The following PATJ variants were observed in gnomAD, a reference collection of about 807,000 sequenced individuals.
PATJ encodes PATJ crumbs cell polarity complex component, also known as inaD-like protein.
Under a neutral mutation model 224.9 loss-of-function variants are expected in PATJ, and 190 were observed. That is an observed-to-expected ratio of 0.84 (90% CI 0.75 to 0.95). The LOEUF is 0.95. Among genes scored for constraint, PATJ ranks in the 40% least tolerant of loss-of-function variants. The pLI is 0.00. For missense variants in PATJ, 2,121 were observed against 2,270.3 expected (o/e 0.93, Z 1.34); for synonymous variants, 769 against 820.3 (o/e 0.94, Z 1.07).
intron 28 of PATJ, among the ~76,000 whole-genome samples, chr1:62,013,826 T>G (rs1365524022): frequency 6.6e-6 from 1 of 152,126 alleles, no homozygotes; most frequent in Non-Finnish European, 1.5e-5. Flanking sequence ...CAGGCTGGAG[T>G]GCAGTGGTGC....
chr1:62,033,158 T>G (rs1419197689), intron 29 of PATJ, among the ~76,000 whole-genome samples: 1 of 152,222 alleles, frequency 6.6e-6, no homozygotes, highest in Admixed American at 6.5e-5. Flanking sequence ...GCTGCATTCT[T>G]CACTAATTGC....
intron 28 of PATJ, among the ~76,000 whole-genome samples, chr1:61,994,271 C>T (rs1414645123): frequency 6.6e-6 from 1 of 152,188 alleles, no homozygotes; most frequent in Non-Finnish European, 1.5e-5. Flanking sequence ...TACCTGCCCT[C>T]ACAGAGCTTC....
At chr1:61,813,366 TATATATATATATACACACACAC>T (rs1557690451) in intron 14 of PATJ, among the ~76,000 whole-genome samples, 3 of 55,872 alleles carry the variant, frequency 5.4e-5, no homozygotes, top group Non-Finnish European at 1.0e-4. Context: ...TATATATATA[TATATATATATATACACACACAC>T]ACACACACAC....
chr1:61,846,185 C>T (rs1332162511), intron 17 of PATJ: 1 of 152,014 alleles, frequency 6.6e-6, no homozygotes. Flanking sequence ...TACTATGAAG[C>T]GATTTCTATG....
At chr1:62,076,334 C>T (rs1354984374) in intron 31 of PATJ, among the ~76,000 whole-genome samples, 1 of 147,036 alleles carries the variant, frequency 6.8e-6, no homozygotes, top group Non-Finnish European at 1.5e-5. Flanking sequence ...TTTAAAAGCT[C>T]CGTAGGTGTT....
chr1:61,952,371 C>T, intron 27 of PATJ: 1 of 716,546 alleles, frequency 1.4e-6, no homozygotes, highest in South Asian at 1.5e-5. Flanking sequence ...AATGCAGATA[C>T]CCTGAAGGGA....
intron 12 of PATJ, among the ~76,000 whole-genome samples, chr1:61,803,264 A>G (rs1652906480): frequency 6.6e-6 from 1 of 152,210 alleles, no homozygotes; most frequent in Non-Finnish European, 1.5e-5. Flanking sequence ...TATGCTTGGC[A>G]TAACTGGGCA....
chr1:61,749,615 G>A (rs1449968141), intron 1 of PATJ, among the ~76,000 whole-genome samples: 2 of 151,952 alleles, frequency 1.3e-5, no homozygotes, highest in African/African-American at 4.8e-5. Flanking sequence ...ATGTTACTTA[G>A]TTGTTACAGT....
intron 27 of PATJ, among the ~76,000 whole-genome samples, chr1:61,962,999 T>C (rs1681529047): frequency 6.6e-6 from 1 of 152,242 alleles, no homozygotes; most frequent in Non-Finnish European, 1.5e-5. Flanking sequence ...GTCCAGAGTT[T>C]AGTTACACAA....
chr1:62,084,540 G>A lies in PATJ; in HGVS notation c.4269G>A (p.Val1423=). 6.2e-7 allele frequency: 1 copy of A among 1,611,962 alleles called. No homozygotes were observed. The highest frequency in any genetic ancestry group is 8.5e-7 in the Non-Finnish European group (1 of 1,179,426). ...GYGGFQAPLS[V]DPATCPIVPG... Reference sequence around the variant, plus strand: ...GTGGTTTCCAGGCTCCTCTGTCAGTGGACCCCGCAACGTGTCCCATTGTCC... The same window carrying A: ...GTGGTTTCCAGGCTCCTCTGTCAGTAGACCCCGCAACGTGTCCCATTGTCC... The change falls in exon 33 of 44, where the codon GTG becomes GTA. Residue 1423 remains valine (V), a synonymous_variant. Coordinates refer to ENST00000642238, the MANE Select transcript of PATJ (RefSeq NM_001350145.3).
chr1:62,027,857 GGGA>G (rs3061008), intron 29 of PATJ, among the ~76,000 whole-genome samples: 17,361 of 151,586 alleles, frequency 0.11, 1,249 homozygotes, highest in Middle Eastern at 0.23. Flanking sequence ...GTTGAGTTAT[GGGA>G]GTCTTTACAT....
chr1:61,901,378 A>C lies in PATJ; in HGVS notation c.3300A>C (p.Lys1100Asn). Residue 1100 changes from lysine to asparagine, a missense_variant, in exon 24 of 44, where the codon AAA becomes AAC. Coordinates refer to ENST00000642238, the MANE Select transcript of PATJ (RefSeq NM_001350145.3). ...IKRLKNGEEL[K>N]GIFIKQVLED... Reference sequence around the variant, plus strand: ...GTCTAAAGAATGGAGAGGAGCTTAAAGGTATATTCATCAAACAAGTTTTAG... The same window carrying C: ...GTCTAAAGAATGGAGAGGAGCTTAACGGTATATTCATCAAACAAGTTTTAG... 1 of 1,587,232 alleles carries C rather than the reference A, an allele frequency of 6.3e-7. No individual in the cohort carries two copies. The highest frequency in any genetic ancestry group is 8.5e-7 in the Non-Finnish European group (1 of 1,170,632).
chr1:62,037,936 A>C, intron 29 of PATJ, 41 bp from the exon 30 acceptor site: 1 of 1,339,068 alleles, frequency 7.5e-7, no homozygotes, highest in Non-Finnish European at 1.0e-6. Flanking sequence ...GGAACTTAGC[A>C]TTTACTGTGT....
intron 6 of PATJ, 68 bp from the exon 7 acceptor site, chr1:61,775,138 T>TATAC: frequency 6.9e-7 from 1 of 1,449,326 alleles, no homozygotes; most frequent in Non-Finnish European, 9.2e-7. Context: ...TGGTAATGAT[T>TATAC]GTATTGGAAA....
At position 62,034,957 on chromosome 1, in the gene PATJ, C is replaced by T. The variant is rs547524052; in HGVS notation, c.3960-3020C>T. Among the ~76,000 whole-genome samples, 14 of 152,228 alleles carry T rather than the reference C, an allele frequency of 9.2e-5. No individual in the cohort carries two copies. The South Asian group carries it at 2.9e-3, about 32-fold the overall frequency. ...CCTTTGAAAGAGATATGAAAAGTCA[C>T]CTATTTAATTACTGCCAAGTATACT... is the stretch of plus-strand genomic sequence containing the variant. On this transcript the variant is annotated intron_variant, in intron 29 of 43. Coordinates refer to ENST00000642238, the MANE Select transcript of PATJ (RefSeq NM_001350145.3).
In PATJ at chr1:62,161,234, C is replaced by T. The variant is rs1052422163; in HGVS notation, c.*180C>T. 2.1e-5 allele frequency: 9 copies of T among 431,336 alleles called. No individual in the cohort carries two copies. The highest frequency in any genetic ancestry group is 6.9e-5 in the East Asian group (2 of 28,894). 26.7% of individuals were successfully genotyped at this position (431,336 alleles called of 1,614,324 possible). ...GAATTTCCCAAATCAACAATCATCTCCTAATGTTTCCCAGTTCCTGTCACC... is the reference window on the plus strand; with the variant it reads ...GAATTTCCCAAATCAACAATCATCTTCTAATGTTTCCCAGTTCCTGTCACC... On this transcript the variant is annotated 3_prime_UTR_variant, in exon 44 of 44. Transcript: ENST00000642238.
intron 20 of PATJ, among the ~76,000 whole-genome samples, chr1:61,871,719 C>T (rs1427095290): frequency 1.3e-5 from 2 of 150,846 alleles, no homozygotes; most frequent in Admixed American, 6.6e-5. Context: ...CCCACCACCA[C>T]GCCCAGCTAA....
At chr1:62,153,974 G>C (rs2149050031) in intron 43 of PATJ, among the ~76,000 whole-genome samples, 1 of 152,282 alleles carries the variant, frequency 6.6e-6, no homozygotes, top group South Asian at 2.1e-4. Flanking sequence ...CTTGATCTCA[G>C]CTCACTGCAA....
intron 41 of PATJ, among the ~76,000 whole-genome samples, chr1:62,145,251 T>C (rs1439410415): frequency 6.6e-6 from 1 of 152,234 alleles, no homozygotes; most frequent in Non-Finnish European, 1.5e-5. Context: ...TGATGGGGAA[T>C]ACAGGAGTGA....
Sources: allele counts gnomAD v4.1 joint callset (sites outside exome capture counted in the v4.1 genomes callset), GRCh38; gene constraint gnomAD v4.1.1; transcripts MANE v1.5; gene names NCBI Gene and HGNC (gene_info 2026-07-23, HGNC 2026-07-21).